The following NPSR1 variants were observed in gnomAD, a reference collection of about 807,000 sequenced individuals.
NPSR1 encodes neuropeptide S receptor 1.
Under a neutral mutation model 46.9 loss-of-function variants are expected in NPSR1, and 48 were observed. The ratio of observed to expected loss-of-function variants is 1.02; its 90% CI spans 0.81 to 1.30. The LOEUF (loss-of-function observed/expected upper bound fraction) is 1.30, where lower values mean the gene tolerates loss of function less well. NPSR1 is among the 50% of genes most tolerant of loss of function. NPSR1 has a pLI of 0.00. For missense variants in NPSR1, 450 were observed against 449.5 expected (o/e 1.00, Z -0.01); for synonymous variants, 176 against 168.1 (o/e 1.05, Z -0.36).
chr7:34,689,597 T>C lies in NPSR1; in HGVS notation c.280+4913T>C, dbSNP rs1360131235. Among the ~76,000 whole-genome samples the C allele has an allele frequency of 6.3e-5, 4 of 63,378 alleles. No individual in the cohort carries two copies. In the East Asian group the frequency reaches 1.4e-3, roughly 22 times the overall value. The allele number at this position is 63,378 out of a possible 152,430, so 41.6% of individuals were successfully genotyped here. On this transcript the variant is annotated intron_variant, in intron 2 of 8. Coordinates refer to ENST00000360581, the MANE Select transcript of NPSR1 (RefSeq NM_207172.2). ...TCCAGCCTGGATGACAGAGCCAGAC[T>C]CTGTCTCAAAAAAAAAAAAAAAAAA...
intron 1 of NPSR1, 97 bp downstream of exon 1, chr7:34,658,656 A>G (rs1195094742): frequency 8.3e-7 from 1 of 1,198,666 alleles, no homozygotes; most frequent in African/African-American, 1.5e-5. Flanking sequence ...AGTATTGTGA[A>G]TGAGTGTTAT....
chr7:34,750,317 G>A (rs1456439732), intron 2 of NPSR1: 5 of 706,600 alleles, frequency 7.1e-6, no homozygotes, highest in African/African-American at 7.0e-5. Context: ...CCTGTCTTCT[G>A]TCATCTAGGC....
intron 3 of NPSR1, among the ~76,000 whole-genome samples, chr7:34,806,485 A>C (rs1584064447): frequency 6.6e-6 from 1 of 152,108 alleles, no homozygotes; most frequent in African/African-American, 2.4e-5. Flanking sequence ...AGAGCAAGAA[A>C]CCAGTGTTGC....
At chr7:34,767,068 C>T (rs867747633) in intron 2 of NPSR1, among the ~76,000 whole-genome samples, 13 of 152,018 alleles carry the variant, frequency 8.6e-5, no homozygotes, top group Non-Finnish European at 1.0e-4. Context: ...TTCTCTATCC[C>T]GACTGTGGTG....
intron 7 of NPSR1, among the ~76,000 whole-genome samples, chr7:34,847,710 G>A (rs2128764748): frequency 6.6e-6 from 1 of 152,292 alleles, no homozygotes; most frequent in South Asian, 2.1e-4. Flanking sequence ...CCCACAAACA[G>A]GGGAGGGCAA....
At chr7:34,806,770 T>C (rs1788721032) in intron 3 of NPSR1, among the ~76,000 whole-genome samples, 2 of 152,106 alleles carry the variant, frequency 1.3e-5, no homozygotes, top group Admixed American at 6.5e-5. Flanking sequence ...AAACCCTCTG[T>C]GTTGTTTGCA....
intron 2 of NPSR1, among the ~76,000 whole-genome samples, chr7:34,772,423 G>A (rs1273305405): frequency 2.0e-5 from 3 of 152,162 alleles, no homozygotes; most frequent in African/African-American, 7.2e-5. Context: ...CTATTTCTGA[G>A]CAGAGTTCTG....
intron 3 of NPSR1, among the ~76,000 whole-genome samples, chr7:34,781,380 G>A (rs186759395): frequency 2.2e-4 from 34 of 152,242 alleles, no homozygotes; most frequent in African/African-American, 7.9e-4. Context: ...GAGGACTCAA[G>A]GGCCCATTAA....
At chr7:34,666,571 C>T (rs1791762149) in intron 1 of NPSR1, among the ~76,000 whole-genome samples, 1 of 152,092 alleles carries the variant, frequency 6.6e-6, no homozygotes. Flanking sequence ...CCAAGGGAAT[C>T]TTAGCAAATT....
chr7:34,670,168 A>G (rs1791975809), intron 1 of NPSR1, among the ~76,000 whole-genome samples: 1 of 152,220 alleles, frequency 6.6e-6, no homozygotes, highest in East Asian at 1.9e-4. Context: ...AGAAATTTGA[A>G]CACAAACAAC....
At chr7:34,803,898 A>G (rs1281558345) in intron 3 of NPSR1, among the ~76,000 whole-genome samples, 1 of 152,028 alleles carries the variant, frequency 6.6e-6, no homozygotes, top group African/African-American at 2.4e-5. Flanking sequence ...GATAGCTTAG[A>G]TGAAATGAAC....
rs145475813 is a variant in NPSR1 at position 34,830,507 on chromosome 7, T to A, written c.680+2905T>A. ...TAATTGCGGACTTTGCCATTGAAAGTAATGCCACTTTTCTTGTTTAAATGT... is the reference window on the plus strand; with the variant it reads ...TAATTGCGGACTTTGCCATTGAAAGAAATGCCACTTTTCTTGTTTAAATGT... On this transcript the variant is annotated intron_variant, in intron 5 of 8. Coordinates refer to ENST00000360581, the MANE Select transcript of NPSR1 (RefSeq NM_207172.2). Among the ~76,000 whole-genome samples, 50 of 152,384 alleles carry A rather than the reference T, an allele frequency of 3.3e-4. No individual in the cohort carries two copies. In the Middle Eastern group the frequency reaches 0.02, roughly 62 times the overall value.
At chr7:34,820,864 T>G (rs1789519457) in intron 4 of NPSR1, among the ~76,000 whole-genome samples, 1 of 152,198 alleles carries the variant, frequency 6.6e-6, no homozygotes, top group African/African-American at 2.4e-5. Flanking sequence ...GAGACCAAAC[T>G]TCTTATTTGC....
chr7:34,819,728 A>G (rs1368578035), intron 4 of NPSR1, among the ~76,000 whole-genome samples: 1 of 152,250 alleles, frequency 6.6e-6, no homozygotes, highest in Non-Finnish European at 1.5e-5. Context: ...ACACCATGGA[A>G]TACTATGCAG....
At chr7:34,722,256 T>A (rs2128708321) in intron 2 of NPSR1, among the ~76,000 whole-genome samples, 1 of 152,264 alleles carries the variant, frequency 6.6e-6, no homozygotes, top group East Asian at 1.9e-4. Context: ...AACATACCTA[T>A]AATGAAATAC....
At chr7:34,772,698 A>G (rs1786741968) in intron 2 of NPSR1, among the ~76,000 whole-genome samples, 1 of 152,168 alleles carries the variant, frequency 6.6e-6, no homozygotes, top group African/African-American at 2.4e-5. Flanking sequence ...TAGAGCATAA[A>G]TAATCTGAAC....
At position 34,870,629 on chromosome 7, in the gene NPSR1, G is replaced by T. The variant is rs180993790; in HGVS notation, c.1026-7447G>T. On this transcript the variant is annotated intron_variant, in intron 8 of 8. Coordinates refer to the NPSR1 transcript ENST00000359791. ...TGAGTTCTATAACTGAGTTAATGGG[G>T]TGCCAAACAGGGAAGATATGAGCCA... is the stretch of plus-strand genomic sequence containing the variant. Among the ~76,000 whole-genome samples, 406 of 151,870 alleles carry T rather than the reference G, an allele frequency of 2.7e-3. 16 individuals are homozygous for T. Among genetic ancestry groups the T allele is most frequent in the African/African-American group, 9.6e-3 (393 of 41,146 alleles).
chr7:34,704,151 C>T (rs184204744), intron 2 of NPSR1: 5 of 152,308 alleles, frequency 3.3e-5, no homozygotes, highest in Non-Finnish European at 5.9e-5. Context: ...CCAGGTCCGT[C>T]TGTGGAGTTC....
chr7:34,807,415 A>G (rs986141806), intron 3 of NPSR1, among the ~76,000 whole-genome samples: 1 of 152,102 alleles, frequency 6.6e-6, no homozygotes, highest in Non-Finnish European at 1.5e-5. Flanking sequence ...TATATTTAGC[A>G]TTATGTTACT....
Sources: allele counts gnomAD v4.1 joint callset (sites outside exome capture counted in the v4.1 genomes callset), GRCh38; gene constraint gnomAD v4.1.1; transcripts MANE v1.5; gene names NCBI Gene and HGNC (gene_info 2026-07-23, HGNC 2026-07-21).